The following SPINK5 variants were observed in gnomAD, a reference collection of about 807,000 sequenced individuals.
SPINK5 encodes serine protease inhibitor Kazal-type 5.
A neutral mutation model predicts 151.8 loss-of-function variants in SPINK5; 125 were observed. The ratio of observed to expected loss-of-function variants is 0.82; its 90% CI spans 0.71 to 0.96. SPINK5 has a LOEUF of 0.96. SPINK5 is among the 40% of genes least tolerant of loss of function. The pLI is 0.00. For synonymous variants in SPINK5, 374 were observed against 395.3 expected, an observed-to-expected ratio of 0.95 and a Z score of 0.64; for missense variants, 1,194 against 1,291.9, an observed-to-expected ratio of 0.92 and a Z score of 1.16.
At chr5:148,128,854 A>T (rs1229147209) in intron 30 of SPINK5, among the ~76,000 whole-genome samples, 1 of 152,232 alleles carries the variant, frequency 6.6e-6, no homozygotes, top group African/African-American at 2.4e-5. Flanking sequence ...CTAGGTTAAT[A>T]GCCATAAACA....
intron 4 of SPINK5, among the ~76,000 whole-genome samples, chr5:148,084,963 A>G (rs1225945592): frequency 6.6e-6 from 1 of 151,778 alleles, no homozygotes; most frequent in African/African-American, 2.4e-5. Flanking sequence ...TAGAATATGT[A>G]TTCCATTTTT....
intron 29 of SPINK5, among the ~76,000 whole-genome samples, chr5:148,126,703 TG>T (rs945005205): frequency 3.3e-5 from 5 of 152,160 alleles, no homozygotes; most frequent in Admixed American, 3.3e-4. Flanking sequence ...GAGATTCTCC[TG>T]CCTCAGCCTT....
At chr5:148,095,308 A>G (rs1397699339) in intron 9 of SPINK5, among the ~76,000 whole-genome samples, 1 of 151,674 alleles carries the variant, frequency 6.6e-6, no homozygotes, top group Non-Finnish European at 1.5e-5. Context: ...TGTATTATAT[A>G]CTCCTGCATG....
At chr5:148,073,814 T>TCACA (rs67549762) in intron 4 of SPINK5, among the ~76,000 whole-genome samples, 1,255 of 113,786 alleles carry the variant, frequency 0.011, 17 homozygotes, top group East Asian at 0.029. Flanking sequence ...TATGCCTGAG[T>TCACA]CACACACACA....
At chr5:148,067,934 A>G (rs549618755) in intron 2 of SPINK5, among the ~76,000 whole-genome samples, 4 of 152,228 alleles carry the variant, frequency 2.6e-5, no homozygotes, top group South Asian at 4.1e-4. Flanking sequence ...CTTTTATGAT[A>G]AGCTTTCAAA....
intron 15 of SPINK5, among the ~76,000 whole-genome samples, chr5:148,103,103 A>T (rs892940592): frequency 1.3e-5 from 2 of 152,152 alleles, no homozygotes. Context: ...TTCCCATAGC[A>T]TTTGAGGCTT....
chr5:148,119,234 G>A (rs916143970), intron 24 of SPINK5, among the ~76,000 whole-genome samples, 176 bp downstream of exon 24: 5 of 152,096 alleles, frequency 3.3e-5, no homozygotes, highest in African/African-American at 7.2e-5. Context: ...GAAACCTAAT[G>A]CCAAGTGGAC....
chr5:148,094,561 T>G, intron 9 of SPINK5, 80 bp downstream of exon 9: 1 of 1,606,782 alleles, frequency 6.2e-7, no homozygotes. Context: ...AAAAATAACT[T>G]TGAAAGGAAG....
At chr5:148,123,447 A>C (rs1382580818) in intron 26 of SPINK5, among the ~76,000 whole-genome samples, 1 of 133,620 alleles carries the variant, frequency 7.5e-6, no homozygotes, top group African/African-American at 2.9e-5. Flanking sequence ...CTATCTATCT[A>C]TATATATAAT....
At chr5:148,107,655 C>T (rs886394756) in intron 17 of SPINK5, among the ~76,000 whole-genome samples, 4 of 152,240 alleles carry the variant, frequency 2.6e-5, no homozygotes, top group South Asian at 4.1e-4. Context: ...CTATATAATG[C>T]AAACATTCAT....
At chr5:148,068,607 A>C (rs1752652405) in intron 2 of SPINK5, among the ~76,000 whole-genome samples, 1 of 151,238 alleles carries the variant, frequency 6.6e-6, no homozygotes, top group Non-Finnish European at 1.5e-5. Flanking sequence ...AGAAAAAACA[A>C]GCACAAAACA....
At position 148,114,806 on chromosome 5, in the gene SPINK5, G is replaced by A. The variant is rs1320714028; in HGVS notation, c.2015+317G>A. Among the ~76,000 whole-genome samples the A allele has an allele frequency of 1.3e-5, 2 of 152,158 alleles. 1 individual carries two copies. The highest frequency in any genetic ancestry group is 4.1e-4 in the South Asian group (2 of 4,834). ...TTCTCTGGATTATCTCGCAACTCAT[G>A]TTGGAAAGAAAACACACAGATTTTA... On this transcript the variant is annotated intron_variant, in intron 21 of 32. Transcript: ENST00000256084.
In SPINK5 at chr5:148,089,551, GA is replaced by G; in HGVS notation, c.536del (p.Asn179MetfsTer24). On this transcript the variant is annotated frameshift_variant, in exon 7 of 33. Transcript: ENST00000256084. LOFTEE classifies it high-confidence loss of function. ...AGATGGAAGACTTGGATGCACAAGG[GA>G]AAATGATCCTGTTCTTGGTCCTGAT... ...VRDGRLGCTR[E>X]NDPVLGPDGK... 1 of 1,612,158 alleles carries G rather than the reference GA, an allele frequency of 6.2e-7. No homozygotes were observed. Among genetic ancestry groups the G allele is most frequent in the Non-Finnish European group, 8.5e-7 (1 of 1,178,788 alleles).
chr5:148,126,632 C>T (rs951704028), intron 29 of SPINK5, among the ~76,000 whole-genome samples: 1 of 151,824 alleles, frequency 6.6e-6, no homozygotes, highest in South Asian at 2.1e-4. Flanking sequence ...CACTCTGTTG[C>T]CCAGGTTGGA....
intron 5 of SPINK5, among the ~76,000 whole-genome samples, chr5:148,087,307 C>T (rs1327570924): frequency 2.0e-5 from 3 of 151,714 alleles, no homozygotes; most frequent in Non-Finnish European, 4.4e-5. Flanking sequence ...ACCTGCTTGG[C>T]GGGTTCTGGC....
At chr5:148,076,888 T>A (rs1188523502) in intron 4 of SPINK5, among the ~76,000 whole-genome samples, 4 of 151,328 alleles carry the variant, frequency 2.6e-5, no homozygotes, top group African/African-American at 9.7e-5. Context: ...ATTACCAAAC[T>A]TGAGGAAAGC....
chr5:148,095,914 C>A lies in SPINK5; in HGVS notation c.882+9C>A. 6.2e-7 allele frequency: 1 copy of A among 1,603,504 alleles called. No homozygotes were observed. Among genetic ancestry groups the A allele is most frequent in the South Asian group, 1.1e-5 (1 of 90,738 alleles). On this transcript the variant is annotated intron_variant, in intron 10 of 32. Coordinates refer to ENST00000256084, the MANE Select transcript of SPINK5 (RefSeq NM_006846.4). ...TTAAAAGAGAAATTGTGGTGAGAAT[C>A]AGTTTGATCAATCTAGTTACAACTT...
Position 148,097,921 on chromosome 5 carries a change from A to G in SPINK5, c.937A>G (p.Arg313Gly), listed in dbSNP as rs1325144783. 1.2e-6 allele frequency: 2 copies of G among 1,612,420 alleles called. No homozygotes were observed. The highest frequency in any genetic ancestry group is 1.1e-5 in the South Asian group (1 of 91,064). ...AAAGAATGGAATACTTTTCTGTACC[A>G]GAGAAAATGACCCTATTCGTGGTCC... ...QAKNGILFCT[R>G]ENDPIRGPDG... is the part of the protein sequence containing the mutation. The change falls in exon 11 of 33, where the codon AGA becomes GGA. Residue 313 changes from arginine to glycine, a missense_variant. Transcript: ENST00000256084.
At chr5:148,089,094 G>A (rs1462628795) in intron 6 of SPINK5, 2 of 461,984 alleles carry the variant, frequency 4.3e-6, no homozygotes, top group South Asian at 1.5e-5. Flanking sequence ...CTTTTTCCAG[G>A]TGAATGATTT....
Sources: allele counts gnomAD v4.1 joint callset (sites outside exome capture counted in the v4.1 genomes callset), GRCh38; gene constraint gnomAD v4.1.1; transcripts MANE v1.5; gene names NCBI Gene and HGNC (gene_info 2026-07-23, HGNC 2026-07-21).